The following PARD3 variants were observed in gnomAD, a reference collection of about 807,000 sequenced individuals.
PARD3 encodes the protein partitioning defective 3 homolog.
Under a neutral mutation model 155.4 loss-of-function variants are expected in PARD3, and 75 were observed. The ratio of observed to expected loss-of-function variants is 0.48; its 90% CI spans 0.40 to 0.58. PARD3 has a LOEUF of 0.58. Among genes scored for constraint, PARD3 ranks in the 20% least tolerant of loss-of-function variants. The probability of loss-of-function intolerance (pLI) is 0.00; values close to 1 mark genes in which losing one functional copy is unlikely to be tolerated. For missense variants in PARD3, 1,642 were observed against 1,721.7 expected, an observed-to-expected ratio of 0.95 and a Z score of 0.82; for synonymous variants, 576 against 610.5, an observed-to-expected ratio of 0.94 and a Z score of 0.83.
intron 2 of PARD3, among the ~76,000 whole-genome samples, chr10:34,659,901 A>G (rs1367127067): frequency 1.3e-5 from 2 of 152,188 alleles, no homozygotes; most frequent in Non-Finnish European, 2.9e-5. Context: ...CCGCGCATGC[A>G]TTTTCTTCCC....
In PARD3 at chr10:34,312,300, A is replaced by C. The variant is rs188625493; in HGVS notation, c.3065+4807T>G. ...AATTTATTGTTTGTTTAAAAAAAAC[A>C]ACAACTGTGCAATATGTGCTGTTCA... On this transcript the variant is annotated intron_variant, in intron 20 of 24. Transcript: ENST00000374788. The C allele has an allele frequency of 7.3e-5, 117 of 1,605,934 alleles. No homozygotes were observed. In the East Asian group the frequency reaches 2.5e-3, roughly 34 times the overall value.
intron 22 of PARD3, among the ~76,000 whole-genome samples, chr10:34,190,526 C>A (rs543188865): frequency 6.6e-6 from 1 of 152,170 alleles, no homozygotes; most frequent in South Asian, 2.1e-4. Flanking sequence ...AACTAAATGC[C>A]CTTTGAGGTT....
At chr10:34,736,795 G>A (rs961650471) in intron 1 of PARD3, among the ~76,000 whole-genome samples, 25 of 152,026 alleles carry the variant, frequency 1.6e-4, no homozygotes, top group Non-Finnish European at 2.9e-4. Flanking sequence ...CTCAGCCTCA[G>A]CCTCCCAAGT....
chr10:34,449,488 T>G (rs1374968037), intron 5 of PARD3, among the ~76,000 whole-genome samples: 1 of 147,650 alleles, frequency 6.8e-6, no homozygotes, highest in Non-Finnish European at 1.5e-5. Context: ...CATTAGGAGA[T>G]ATACCTAACG....
At chr10:34,527,277 C>T (rs2082550310) in intron 2 of PARD3, among the ~76,000 whole-genome samples, 1 of 152,180 alleles carries the variant, frequency 6.6e-6, no homozygotes, top group Non-Finnish European at 1.5e-5. Context: ...ATTTCCAACT[C>T]TAAGAACTAG....
At chr10:34,795,148 C>T (rs886419491) in intron 1 of PARD3, among the ~76,000 whole-genome samples, 2 of 152,230 alleles carry the variant, frequency 1.3e-5, no homozygotes, top group African/African-American at 2.4e-5. Flanking sequence ...TCCAACCATC[C>T]GGAAGCCTCT....
intron 3 of PARD3, among the ~76,000 whole-genome samples, chr10:34,480,403 T>A (rs988388684): frequency 6.6e-6 from 1 of 152,132 alleles, no homozygotes; most frequent in Non-Finnish European, 1.5e-5. Context: ...CCCGGTTAAT[T>A]AATTTTTTAT....
At chr10:34,301,100 T>C (rs1419857686) in intron 20 of PARD3, among the ~76,000 whole-genome samples, 2 of 152,232 alleles carry the variant, frequency 1.3e-5, no homozygotes, top group Admixed American at 6.5e-5. Flanking sequence ...TGTGTTTGTA[T>C]CACAGTGCCA....
At chr10:34,395,268 G>C (rs1843207610) in intron 7 of PARD3, among the ~76,000 whole-genome samples, 1 of 151,980 alleles carries the variant, frequency 6.6e-6, no homozygotes, top group African/African-American at 2.4e-5. Context: ...CTCTTGACCT[G>C]AAGTGCTCCA....
intron 2 of PARD3, among the ~76,000 whole-genome samples, chr10:34,657,120 A>G (rs2093190714): frequency 6.6e-6 from 1 of 152,112 alleles, no homozygotes; most frequent in Admixed American, 6.5e-5. Context: ...GAAAAGCCAG[A>G]TCACAGCTGG....
intron 2 of PARD3, among the ~76,000 whole-genome samples, chr10:34,589,661 A>AAGCATGTC (rs2088478368): frequency 7.1e-6 from 1 of 140,890 alleles, no homozygotes. Context: ...AAAAAAAACC[A>AAGCATGTC]AGCATGTCAA....
chr10:34,711,495 T>G (rs2094448497), intron 1 of PARD3, among the ~76,000 whole-genome samples: 2 of 152,212 alleles, frequency 1.3e-5, no homozygotes. Flanking sequence ...CACTCCAGCC[T>G]GGGCACAGGG....
chr10:34,801,894 G>T (rs1360162436), intron 1 of PARD3, among the ~76,000 whole-genome samples: 2 of 152,018 alleles, frequency 1.3e-5, no homozygotes. Context: ...GAGCTCCAGG[G>T]TATTCTCAGA....
intron 1 of PARD3, among the ~76,000 whole-genome samples, chr10:34,806,992 G>A (rs775592136): frequency 2.0e-5 from 3 of 152,202 alleles, no homozygotes; most frequent in Admixed American, 2.0e-4. Context: ...TGCTGGAAAG[G>A]CTGGTCCATT....
intron 2 of PARD3, among the ~76,000 whole-genome samples, chr10:34,642,369 C>T (rs781283848): frequency 6.6e-6 from 1 of 151,988 alleles, no homozygotes; most frequent in Non-Finnish European, 1.5e-5. Flanking sequence ...GCCCTTGACC[C>T]TCCTCTTCCT....
At chr10:34,682,884 C>G (rs1219917224) in intron 2 of PARD3, among the ~76,000 whole-genome samples, 1 of 152,114 alleles carries the variant, frequency 6.6e-6, no homozygotes, top group East Asian at 1.9e-4. Context: ...AAAAACAAAA[C>G]AAAACAAAAT....
intron 22 of PARD3, among the ~76,000 whole-genome samples, chr10:34,244,670 T>C (rs913267044): frequency 3.3e-5 from 5 of 152,126 alleles, no homozygotes; most frequent in Non-Finnish European, 5.9e-5. Context: ...ACTAAAAATC[T>C]TATACAATCT....
At chr10:34,473,288 C>A (rs549383072) in intron 3 of PARD3, among the ~76,000 whole-genome samples, 21 of 152,298 alleles carry the variant, frequency 1.4e-4, no homozygotes, top group African/African-American at 4.8e-4. Flanking sequence ...TGAGTACTCC[C>A]ACGCAATTTC....
At chr10:34,380,023 A>C (rs1841665511) in intron 9 of PARD3, among the ~76,000 whole-genome samples, 1 of 152,106 alleles carries the variant, frequency 6.6e-6, no homozygotes, top group South Asian at 2.1e-4. Flanking sequence ...TCTGAAGTTT[A>C]ACACTGACAC....
Sources: allele counts gnomAD v4.1 joint callset (sites outside exome capture counted in the v4.1 genomes callset), GRCh38; gene constraint gnomAD v4.1.1; transcripts MANE v1.5; gene names NCBI Gene and HGNC (gene_info 2026-07-23, HGNC 2026-07-21).